Variants in MTR observed in about 807,000 individuals in gnomAD.
The protein encoded by MTR is methionine synthase.
Under a neutral mutation model 154.8 loss-of-function variants are expected in MTR, and 84 were observed. The observed-to-expected ratio is 0.54, with a 90% CI of 0.45 to 0.65. MTR has a LOEUF of 0.65. MTR is among the 30% of genes least tolerant of loss of function. The probability of loss-of-function intolerance (pLI) is 0.00; values close to 1 mark genes in which losing one functional copy is unlikely to be tolerated. For synonymous variants in MTR, 554 were observed against 553.9 expected, an observed-to-expected ratio of 1.00 and a Z score of 0.00; for missense variants, 1,275 against 1,570.2, an observed-to-expected ratio of 0.81 and a Z score of 3.18.
chr1:236,885,274 C>A lies in MTR; in HGVS notation c.2775+55C>A. On this transcript the variant is annotated intron_variant, in intron 26 of 32. Transcript: ENST00000366577. ...TTTTAATGTGACTGTTTTTTATGAT[C>A]CTAGTTTTTAATGTGACTTTTTAAA... The A allele has an allele frequency of 8.1e-6, 9 of 1,106,164 alleles. No homozygotes were observed. In the South Asian group the frequency reaches 1.0e-4, roughly 12 times the overall value. The allele number at this position is 1,106,164 out of a possible 1,614,324, so 68.5% of individuals were successfully genotyped here.
chr1:236,803,726 G>T, intron 2 of MTR, 84 bp downstream of exon 2: 1 of 1,322,320 alleles, frequency 7.6e-7, no homozygotes, highest in Non-Finnish European at 1.1e-6. Flanking sequence ...GCTATGCCGA[G>T]TGCTCCGGAG....
intron 7 of MTR, among the ~76,000 whole-genome samples, 155 bp downstream of exon 7, chr1:236,815,818 G>C (rs148089555): frequency 6.6e-6 from 1 of 152,016 alleles, no homozygotes; most frequent in East Asian, 1.9e-4. Flanking sequence ...ACCACTTCTG[G>C]ACCAATAACA....
intron 9 of MTR, 55 bp from the exon 10 acceptor site, chr1:236,825,283 T>C: frequency 1.6e-6 from 2 of 1,279,470 alleles, no homozygotes; most frequent in Non-Finnish European, 2.3e-6. Context: ...TCTTTAAAAA[T>C]ACAGTGTATA....
chr1:236,838,287 C>T (rs939073051), intron 14 of MTR, 127 bp from the exon 15 acceptor site: 3 of 947,552 alleles, frequency 3.2e-6, no homozygotes, highest in African/African-American at 1.6e-5. Flanking sequence ...AATTCTATCT[C>T]TGACATACTA....
At chr1:236,897,339 C>CACACAT (rs199985312) in intron 32 of MTR, among the ~76,000 whole-genome samples, 2 of 151,364 alleles carry the variant, frequency 1.3e-5, no homozygotes, top group Admixed American at 1.3e-4. Flanking sequence ...CACACACACA[C>CACACAT]ACACATACAG....
At chr1:236,887,822 A>G (rs1362273647) in intron 27 of MTR, among the ~76,000 whole-genome samples, 18 of 152,190 alleles carry the variant, frequency 1.2e-4, no homozygotes, top group Admixed American at 1.2e-3. Flanking sequence ...TGATGGTAAC[A>G]CCTCAAACAT....
At chr1:236,861,719 TCTTA>T (rs1265701231) in intron 20 of MTR, among the ~76,000 whole-genome samples, 1 of 152,240 alleles carries the variant, frequency 6.6e-6, no homozygotes, top group Non-Finnish European at 1.5e-5. Flanking sequence ...AAACCAGAAC[TCTTA>T]CTTTGATTTA....
At chr1:236,851,608 C>T (rs1188341680) in intron 16 of MTR, among the ~76,000 whole-genome samples, 1 of 152,178 alleles carries the variant, frequency 6.6e-6, no homozygotes, top group Non-Finnish European at 1.5e-5. Context: ...CTGTATTTCT[C>T]CTAGGAGCAA....
At chr1:236,834,841 T>C (rs1261207675) in intron 13 of MTR, among the ~76,000 whole-genome samples, 2 of 152,188 alleles carry the variant, frequency 1.3e-5, no homozygotes, top group Non-Finnish European at 2.9e-5. Context: ...AAATATTCCT[T>C]AGACGATCAT....
intron 18 of MTR, among the ~76,000 whole-genome samples, chr1:236,857,125 GAACT>G (rs1347854060): frequency 6.6e-6 from 1 of 152,158 alleles, no homozygotes; most frequent in African/African-American, 2.4e-5. Context: ...CACAATGGTA[GAACT>G]AATTTACACT....
chr1:236,795,837 C>T, intron 1 of MTR, 100 bp downstream of exon 1: 1 of 1,578,524 alleles, frequency 6.3e-7, no homozygotes. Flanking sequence ...CGGGAGACGC[C>T]CGGCGGTGTT....
chr1:236,799,417 C>G lies in MTR; in HGVS notation c.34+3680C>G, dbSNP rs182579745. ...GGATTACAAGTGTGAACCACCACAC[C>G]CAGCCCAAGTAATGGATTTTTAAGG... On this transcript the variant is annotated intron_variant, in intron 1 of 32. Coordinates refer to ENST00000366577, the MANE Select transcript of MTR (RefSeq NM_000254.3). Among the ~76,000 whole-genome samples the G allele has an allele frequency of 2.0e-5, 3 of 152,174 alleles. No homozygotes were observed. The East Asian group carries it at 5.8e-4, about 29-fold the overall frequency.
chr1:236,889,067 T>C (rs1170349743), intron 27 of MTR, 114 bp from the exon 28 acceptor site: 2 of 1,274,424 alleles, frequency 1.6e-6, no homozygotes, highest in Non-Finnish European at 2.3e-6. Flanking sequence ...CTCCTACGGG[T>C]GACAGGAGGG....
intron 1 of MTR, among the ~76,000 whole-genome samples, chr1:236,800,907 G>A (rs545136572): frequency 6.6e-6 from 1 of 152,272 alleles, no homozygotes; most frequent in African/African-American, 2.4e-5. Context: ...GCATGGAGAG[G>A]ACTTGTCTAA....
At chr1:236,870,124 A>T (rs1665043962) in intron 22 of MTR, among the ~76,000 whole-genome samples, 1 of 152,196 alleles carries the variant, frequency 6.6e-6, no homozygotes. Flanking sequence ...GGCTGTGAGC[A>T]ACTTCCTTTG....
chr1:236,883,013 CAT>C (rs1490874309), intron 25 of MTR, among the ~76,000 whole-genome samples: 1 of 152,164 alleles, frequency 6.6e-6, no homozygotes, highest in Admixed American at 6.5e-5. Flanking sequence ...GCAGCTATCT[CAT>C]ATATTTGGAA....
intron 15 of MTR, among the ~76,000 whole-genome samples, chr1:236,845,373 T>G (rs1558305677): frequency 6.6e-6 from 1 of 152,196 alleles, no homozygotes; most frequent in Non-Finnish European, 1.5e-5. Flanking sequence ...CCTACTAAAT[T>G]AGTAAAGTAA....
chr1:236,800,482 G>C lies in MTR; in HGVS notation c.35-2946G>C, dbSNP rs1660643527. On this transcript the variant is annotated intron_variant, in intron 1 of 32. Transcript: ENST00000366577. Reference sequence around the variant, plus strand: ...GCGATTCAGCTGGGCATGTAGGTTAGAGTCTTTAGTTCTTAGTCTTCTCAT... The same window carrying C: ...GCGATTCAGCTGGGCATGTAGGTTACAGTCTTTAGTTCTTAGTCTTCTCAT... 3.0e-6 allele frequency: 3 copies of C among 985,048 alleles called. No individual in the cohort carries two copies. In the South Asian group the frequency reaches 1.4e-4, roughly 46 times the overall value. 61.0% of individuals were successfully genotyped at this position (985,048 alleles called of 1,614,324 possible).
intron 22 of MTR, among the ~76,000 whole-genome samples, chr1:236,872,136 T>C (rs1665169000): frequency 6.6e-6 from 1 of 152,232 alleles, no homozygotes; most frequent in Admixed American, 6.5e-5. Flanking sequence ...GACATTAAGG[T>C]ACTCTGTAAA....
Sources: allele counts gnomAD v4.1 joint callset (sites outside exome capture counted in the v4.1 genomes callset), GRCh38; gene constraint gnomAD v4.1.1; transcripts MANE v1.5; gene names NCBI Gene and HGNC (gene_info 2026-07-23, HGNC 2026-07-21).